The following CNTNAP5 variants were observed in gnomAD, a reference collection of about 807,000 sequenced individuals.
CNTNAP5 encodes the protein contactin-associated protein-like 5.
A neutral mutation model predicts 150.2 loss-of-function variants in CNTNAP5; 72 were observed. The ratio of observed to expected loss-of-function variants is 0.48; its 90% CI spans 0.40 to 0.58. CNTNAP5 has a LOEUF of 0.58. Ranked by LOEUF, CNTNAP5 falls within the 20% of genes least tolerant of loss-of-function variation. CNTNAP5 has a pLI of 0.00. For synonymous variants in CNTNAP5, 672 were observed against 619.8 expected (o/e 1.08, Z -1.25); for missense variants, 1,636 against 1,626.2 (o/e 1.01, Z -0.10).
At chr2:124,435,026 G>A (rs544642801) in intron 5 of CNTNAP5, among the ~76,000 whole-genome samples, 1 of 152,214 alleles carries the variant, frequency 6.6e-6, no homozygotes, top group South Asian at 2.1e-4. Context: ...TATGCTATTA[G>A]GTACATATAA....
intron 1 of CNTNAP5, among the ~76,000 whole-genome samples, chr2:124,080,856 G>A (rs1682545142): frequency 6.6e-6 from 1 of 152,162 alleles, no homozygotes; most frequent in African/African-American, 2.4e-5. Flanking sequence ...CGGAGATTCT[G>A]AAATATCAGG....
intron 5 of CNTNAP5, among the ~76,000 whole-genome samples, chr2:124,439,379 A>G (rs1383983943): frequency 6.6e-6 from 1 of 152,216 alleles, no homozygotes. Context: ...GCCTGGTAAA[A>G]TAGTTATTTC....
At chr2:124,045,579 G>A (rs1423847139) in intron 1 of CNTNAP5, among the ~76,000 whole-genome samples, 2 of 151,914 alleles carry the variant, frequency 1.3e-5, no homozygotes, top group East Asian at 3.9e-4. Flanking sequence ...CACCAGGCCT[G>A]GTTTTCTTTA....
At chr2:124,405,930 A>G (rs903631000) in intron 3 of CNTNAP5, among the ~76,000 whole-genome samples, 2 of 152,188 alleles carry the variant, frequency 1.3e-5, no homozygotes, top group Admixed American at 6.5e-5. Flanking sequence ...GGAAAATTAG[A>G]TTTTTAATTT....
intron 19 of CNTNAP5, among the ~76,000 whole-genome samples, chr2:124,811,802 C>T (rs1165714954): frequency 2.7e-5 from 4 of 148,760 alleles, no homozygotes; most frequent in Non-Finnish European, 4.4e-5. Context: ...GTTAGCTGGG[C>T]GTGGTGTCAG....
At chr2:124,292,813 A>G (rs1009343301) in intron 3 of CNTNAP5, among the ~76,000 whole-genome samples, 1 of 152,222 alleles carries the variant, frequency 6.6e-6, no homozygotes, top group Admixed American at 6.5e-5. Flanking sequence ...GCATCTAAAG[A>G]CAGAATAAAT....
At chr2:124,760,378 C>T (rs1296910235) in intron 14 of CNTNAP5, among the ~76,000 whole-genome samples, 1 of 151,968 alleles carries the variant, frequency 6.6e-6, no homozygotes, top group Non-Finnish European at 1.5e-5. Flanking sequence ...CTAAAATAAG[C>T]TTACCAAGCA....
chr2:124,740,098 A>T (rs1332562311), intron 13 of CNTNAP5, among the ~76,000 whole-genome samples: 3 of 149,472 alleles, frequency 2.0e-5, no homozygotes, highest in Non-Finnish European at 4.4e-5. Context: ...TATTTAATTT[A>T]TATATAAATT....
intron 1 of CNTNAP5, among the ~76,000 whole-genome samples, chr2:124,148,645 C>CAT (rs141260630): frequency 4.7e-5 from 7 of 148,570 alleles, no homozygotes; most frequent in South Asian, 2.1e-4. Context: ...TCATTTATCT[C>CAT]ATATATATAT....
intron 12 of CNTNAP5, among the ~76,000 whole-genome samples, chr2:124,639,776 C>T (rs1465147010): frequency 1.3e-5 from 2 of 152,232 alleles, no homozygotes; most frequent in East Asian, 3.9e-4. Flanking sequence ...TCCTAATGAC[C>T]TCATAAAGCT....
At chr2:124,138,527 T>C (rs1040465319) in intron 1 of CNTNAP5, among the ~76,000 whole-genome samples, 10 of 152,174 alleles carry the variant, frequency 6.6e-5, no homozygotes, top group African/African-American at 2.4e-4. Context: ...AAAGTTTGTT[T>C]GTTTATTTTT....
intron 3 of CNTNAP5, among the ~76,000 whole-genome samples, chr2:124,400,471 C>T (rs1205858489): frequency 6.6e-6 from 1 of 151,940 alleles, no homozygotes; most frequent in Admixed American, 6.6e-5. Flanking sequence ...TCTCTTTGCC[C>T]CAAGGCTTTA....
intron 19 of CNTNAP5, among the ~76,000 whole-genome samples, chr2:124,836,273 A>G (rs1682827253): frequency 6.6e-6 from 1 of 152,170 alleles, no homozygotes; most frequent in Admixed American, 6.6e-5. Context: ...AAAACTCCAC[A>G]CAAATACAGT....
At chr2:124,272,362 T>C (rs142454641) in intron 3 of CNTNAP5, among the ~76,000 whole-genome samples, 311 of 152,300 alleles carry the variant, frequency 2.0e-3, no homozygotes, top group African/African-American at 6.9e-3. Context: ...GTTATGAAAG[T>C]GGATTGAAAT....
chr2:124,361,994 C>T (rs1276267752), intron 3 of CNTNAP5, among the ~76,000 whole-genome samples: 9 of 152,214 alleles, frequency 5.9e-5, no homozygotes, highest in Admixed American at 1.3e-4. Context: ...GAGCCAGGTG[C>T]GGGATATAAT....
chr2:124,763,295 C>T (rs1224804253), intron 14 of CNTNAP5, among the ~76,000 whole-genome samples: 1 of 152,088 alleles, frequency 6.6e-6, no homozygotes, highest in Non-Finnish European at 1.5e-5. Context: ...TTTGTGATGG[C>T]TGTTTCAAGT....
rs1691955540 is a variant in CNTNAP5 at position 124,417,547 on chromosome 2, T to G, written c.486T>G (p.Ser162Arg). ...TTGTGCCCCTGGAATGGAATCCCAG[T>G]GGGAAGATTGGCATGAGAGTCGAGG... is the stretch of plus-strand genomic sequence containing the variant. ...VRFVPLEWNPSGKIGMRVEVY... is the reference protein window; with the variant it reads ...VRFVPLEWNPRGKIGMRVEVY... The change falls in exon 4 of 24, where the codon AGT becomes AGG. Residue 162 changes from serine (S) to arginine (R), a missense_variant. Coordinates refer to ENST00000682447, the MANE Select transcript of CNTNAP5 (RefSeq NM_001367498.1). 3 of 1,613,732 alleles carry G rather than the reference T, an allele frequency of 1.9e-6. No homozygotes were observed. The highest frequency in any genetic ancestry group is 2.7e-5 in the African/African-American group (2 of 75,054).
intron 10 of CNTNAP5, among the ~76,000 whole-genome samples, chr2:124,531,646 T>C (rs1006132745): frequency 6.6e-6 from 1 of 152,080 alleles, no homozygotes; most frequent in East Asian, 1.9e-4. Flanking sequence ...CCTGGAGACG[T>C]ATGTCAGTGT....
At chr2:124,540,795 C>T (rs1695363183) in intron 10 of CNTNAP5, among the ~76,000 whole-genome samples, 1 of 152,104 alleles carries the variant, frequency 6.6e-6, no homozygotes, top group African/African-American at 2.4e-5. Flanking sequence ...TAGACAATCT[C>T]TAACTTCAGA....
Sources: gnomAD v4.1 joint callset for allele counts (sites outside exome capture counted in the v4.1 genomes callset) on GRCh38, gnomAD v4.1.1 for gene constraint, MANE v1.5 for transcripts, NCBI Gene and HGNC (gene_info 2026-07-23, HGNC 2026-07-21) for gene names.